Variants in PCNX1 observed in about 807,000 individuals in gnomAD.
PCNX1 encodes pecanex-like protein 1.
Under a neutral mutation model 242.2 loss-of-function variants are expected in PCNX1, and 78 were observed. The ratio of observed to expected loss-of-function variants is 0.32; its 90% CI spans 0.27 to 0.39. The LOEUF is 0.39. PCNX1 is among the 10% of genes least tolerant of loss of function. PCNX1 has a pLI of 1.00. For missense variants in PCNX1, 2,581 were observed against 2,856.5 expected, an observed-to-expected ratio of 0.90 and a Z score of 2.20; for synonymous variants, 1,024 against 1,032.9, an observed-to-expected ratio of 0.99 and a Z score of 0.17.
At chr14:71,109,071 G>A (rs373053128) in intron 34 of PCNX1, 25 bp downstream of exon 34, 1 of 1,550,012 alleles carries the variant, frequency 6.5e-7, no homozygotes, top group Non-Finnish European at 8.7e-7. Context: ...AGGTGGTCTT[G>A]TGCTGTTTTT....
chr14:70,917,634 A>G (rs1188639065), intron 1 of PCNX1, among the ~76,000 whole-genome samples: 1 of 152,186 alleles, frequency 6.6e-6, no homozygotes, highest in Non-Finnish European at 1.5e-5. Flanking sequence ...TTATTGTTCC[A>G]TTTATAGAAC....
At chr14:71,050,399 T>G (rs2060993121) in intron 22 of PCNX1, among the ~76,000 whole-genome samples, 1 of 152,196 alleles carries the variant, frequency 6.6e-6, no homozygotes, top group African/African-American at 2.4e-5. Context: ...CATAGAATTT[T>G]TTTTAAACAG....
chr14:71,086,097 G>A (rs1250041178), intron 28 of PCNX1, among the ~76,000 whole-genome samples: 2 of 152,206 alleles, frequency 1.3e-5, no homozygotes, highest in East Asian at 3.9e-4. Context: ...TAATATACCA[G>A]TAATCCCATT....
intron 1 of PCNX1, 39 bp downstream of exon 1, chr14:70,908,042 C>A: frequency 2.0e-6 from 3 of 1,503,378 alleles, no homozygotes; most frequent in East Asian, 2.8e-5. Context: ...TCCTTCCCCG[C>A]GAGCCGGTGG....
intron 1 of PCNX1, among the ~76,000 whole-genome samples, chr14:70,924,293 A>G (rs1488705754): frequency 2.0e-5 from 3 of 151,774 alleles, no homozygotes; most frequent in African/African-American, 7.2e-5. Context: ...TGCCCTCAAG[A>G]TATTTTAAAA....
chr14:70,962,406 A>T (rs2058248500), intron 3 of PCNX1, 75 bp downstream of exon 3: 11 of 766,710 alleles, frequency 1.4e-5, no homozygotes, highest in Non-Finnish European at 2.3e-5. Flanking sequence ...CGTGTCTTTA[A>T]GTCGGCTGAT....
intron 1 of PCNX1, among the ~76,000 whole-genome samples, chr14:70,915,396 A>T (rs867915030): frequency 1.3e-5 from 2 of 152,240 alleles, no homozygotes; most frequent in African/African-American, 4.8e-5. Flanking sequence ...GTAAAAAGAA[A>T]ATACAGCCAT....
At chr14:71,059,288 A>G (rs1449349185) in intron 26 of PCNX1, among the ~76,000 whole-genome samples, 2 of 152,320 alleles carry the variant, frequency 1.3e-5, no homozygotes, top group East Asian at 1.9e-4. Flanking sequence ...TTATTTGCCA[A>G]TCAAAACTCA....
intron 2 of PCNX1, among the ~76,000 whole-genome samples, chr14:70,948,641 ATATATAGATGTGTATATATACACGTGTC>A (rs1401528598): frequency 1.1e-4 from 16 of 151,014 alleles, no homozygotes; most frequent in Non-Finnish European, 1.8e-4. Context: ...ATAGTTGTGT[ATATATAGATGTGTATATATACACGTGTC>A]TATATAGATG....
intron 12 of PCNX1, among the ~76,000 whole-genome samples, chr14:71,020,326 T>C (rs977175569): frequency 9.2e-5 from 14 of 152,228 alleles, no homozygotes; most frequent in Non-Finnish European, 1.9e-4. Flanking sequence ...TCAAATGGTA[T>C]TTCTGGTTCT....
intron 30 of PCNX1, among the ~76,000 whole-genome samples, chr14:71,099,250 C>A (rs1280913594): frequency 6.6e-6 from 1 of 151,650 alleles, no homozygotes; most frequent in Admixed American, 6.6e-5. Context: ...GCTTGGCCTC[C>A]TGGTTTCCTG....
intron 1 of PCNX1, among the ~76,000 whole-genome samples, chr14:70,937,866 A>T (rs183041080): frequency 1.7e-3 from 254 of 152,258 alleles, no homozygotes; most frequent in African/African-American, 5.8e-3. Flanking sequence ...TGTAAGTTGG[A>T]TTCCAAGGTA....
intron 1 of PCNX1, among the ~76,000 whole-genome samples, chr14:70,939,956 T>G (rs1415092952): frequency 1.3e-5 from 2 of 151,540 alleles, no homozygotes; most frequent in Non-Finnish European, 3.0e-5. Flanking sequence ...TGCAACCTTG[T>G]TTTTTTTGTT....
chr14:70,909,073 CAG>C (rs938187077), intron 1 of PCNX1, among the ~76,000 whole-genome samples: 3 of 152,142 alleles, frequency 2.0e-5, no homozygotes, highest in East Asian at 1.9e-4. Flanking sequence ...GAGCTAGAGA[CAG>C]GGTGCTGAGT....
chr14:71,024,105 T>G (rs1423325769), intron 13 of PCNX1, among the ~76,000 whole-genome samples: 2 of 152,158 alleles, frequency 1.3e-5, no homozygotes, highest in East Asian at 1.9e-4. Context: ...AAGTTAACAT[T>G]TATGATATTT....
At chr14:70,976,372 CTTTTTTTTT>C (rs869087088) in intron 5 of PCNX1, among the ~76,000 whole-genome samples, 1 of 82,694 alleles carries the variant, frequency 1.2e-5, no homozygotes, top group Non-Finnish European at 2.6e-5. Flanking sequence ...TTCTTTCTTT[CTTTTTTTTT>C]TTTTTTTTTG....
rs550169408 is a variant in PCNX1 at position 71,026,994 on chromosome 14, GA to G, written c.3466+122del. On this transcript the variant is annotated intron_variant, in intron 15 of 35. Coordinates refer to ENST00000304743, the MANE Select transcript of PCNX1 (RefSeq NM_014982.3). ...AGTTTTCACTTCAGGCTTGAAATTA[GA>G]AAAAAAAAAGACATTAAGTGATTGA... The G allele has an allele frequency of 4.8e-3, 2,127 of 445,850 alleles. 1 individual carries two copies. Among genetic ancestry groups the G allele is most frequent in the South Asian group, 6.2e-3 (168 of 27,190 alleles). 27.6% of individuals were successfully genotyped at this position (445,850 alleles called of 1,614,324 possible).
At chr14:71,004,552 TCC>T (rs2059600037) in intron 8 of PCNX1, among the ~76,000 whole-genome samples, 1 of 152,182 alleles carries the variant, frequency 6.6e-6, no homozygotes, top group Non-Finnish European at 1.5e-5. Context: ...CCTGAAACCG[TCC>T]TCCAATCCCC....
intron 16 of PCNX1, among the ~76,000 whole-genome samples, chr14:71,033,010 A>G (rs17108925): frequency 0.37 from 55,741 of 152,148 alleles, 10,487 homozygotes; most frequent in East Asian, 0.62. Context: ...TCTTTTGCCT[A>G]ATATATCATG....
Sources: allele counts gnomAD v4.1 joint callset (sites outside exome capture counted in the v4.1 genomes callset), GRCh38; gene constraint gnomAD v4.1.1; transcripts MANE v1.5; gene names NCBI Gene and HGNC (gene_info 2026-07-23, HGNC 2026-07-21).